The following PIGL variants were observed in gnomAD, a reference collection of about 807,000 sequenced individuals.
PIGL encodes the protein N-acetylglucosaminyl-phosphatidylinositol de-N-acetylase.
Under a neutral mutation model 31.1 loss-of-function variants are expected in PIGL, and 22 were observed. That is an observed-to-expected ratio of 0.71 (90% CI 0.51 to 1.01). The LOEUF (loss-of-function observed/expected upper bound fraction) is 1.01. Among genes scored for constraint, PIGL ranks in the 50% least tolerant of loss-of-function variants. The probability of loss-of-function intolerance (pLI) is 0.00; values close to 1 mark genes in which losing one functional copy is unlikely to be tolerated. For missense variants in PIGL, 302 were observed against 315.9 expected (o/e 0.96, Z 0.33); for synonymous variants, 131 against 117.4 (o/e 1.12, Z -0.75).
At chr17:16,290,433 C>G (rs2092955652) in intron 2 of PIGL, among the ~76,000 whole-genome samples, 1 of 151,544 alleles carries the variant, frequency 6.6e-6, no homozygotes, top group Non-Finnish European at 1.5e-5. Context: ...CATTCTGCTG[C>G]CCAGGCTGCA....
chr17:16,287,705 A>G (rs1024994438), intron 2 of PIGL, among the ~76,000 whole-genome samples: 24 of 152,336 alleles, frequency 1.6e-4, no homozygotes, highest in African/African-American at 5.5e-4. Context: ...ATACGTTGAC[A>G]TTCCTTACCG....
intron 1 of PIGL, among the ~76,000 whole-genome samples, chr17:16,231,849 T>C: frequency 6.6e-6 from 1 of 152,228 alleles, no homozygotes; most frequent in East Asian, 1.9e-4. Flanking sequence ...TCTCAAACTC[T>C]TTGGTCACAT....
intron 2 of PIGL, among the ~76,000 whole-genome samples, chr17:16,296,609 CAAA>C (rs1163605216): frequency 9.5e-6 from 1 of 105,626 alleles, no homozygotes. Context: ...GACTCCATCT[CAAA>C]AAAAAAAAAG....
At chr17:16,321,648 A>G (rs752938345) in intron 6 of PIGL, among the ~76,000 whole-genome samples, 1 of 152,112 alleles carries the variant, frequency 6.6e-6, no homozygotes, top group Non-Finnish European at 1.5e-5. Context: ...TTTCTTCAAT[A>G]GTGCATTCGT....
chr17:16,319,723 C>G (rs2093094743), intron 6 of PIGL, among the ~76,000 whole-genome samples: 1 of 151,304 alleles, frequency 6.6e-6, no homozygotes, highest in African/African-American at 2.4e-5. Flanking sequence ...CCACTGCACT[C>G]CAGCCTGGGT....
At chr17:16,301,361 T>C (rs909095108) in intron 3 of PIGL, among the ~76,000 whole-genome samples, 1 of 151,094 alleles carries the variant, frequency 6.6e-6, no homozygotes, top group Admixed American at 6.6e-5. Context: ...GCCTCCCGGG[T>C]TCAAGTGATT....
intron 1 of PIGL, among the ~76,000 whole-genome samples, chr17:16,220,838 G>A (rs1016597378): frequency 2.0e-5 from 3 of 152,012 alleles, no homozygotes; most frequent in Non-Finnish European, 2.9e-5. Flanking sequence ...TCACCATGGC[G>A]GCCAAACTGG....
intron 2 of PIGL, among the ~76,000 whole-genome samples, chr17:16,294,091 G>C (rs368007921): frequency 2.0e-5 from 3 of 152,282 alleles, no homozygotes; most frequent in East Asian, 3.9e-4. Context: ...CTTTCTTTTA[G>C]TGGCTCCACC....
At chr17:16,314,720 G>A (rs2093068486) in intron 4 of PIGL, among the ~76,000 whole-genome samples, 2 of 152,192 alleles carry the variant, frequency 1.3e-5, no homozygotes, top group Non-Finnish European at 1.5e-5. Flanking sequence ...CATGCTCCTA[G>A]TCGCATTAGG....
intron 2 of PIGL, among the ~76,000 whole-genome samples, chr17:16,265,129 T>C (rs1023455125): frequency 3.9e-5 from 6 of 152,194 alleles, no homozygotes; most frequent in Admixed American, 6.5e-5. Flanking sequence ...GAAGTGACAC[T>C]GTGTCATTGT....
intron 2 of PIGL, among the ~76,000 whole-genome samples, chr17:16,243,934 T>A (rs1022272702): frequency 2.0e-5 from 3 of 152,166 alleles, no homozygotes; most frequent in African/African-American, 7.2e-5. Flanking sequence ...CAGCAGAGTT[T>A]TTAAGCATAA....
At chr17:16,301,701 A>G (rs1273893689) in intron 3 of PIGL, among the ~76,000 whole-genome samples, 1 of 150,662 alleles carries the variant, frequency 6.6e-6, no homozygotes, top group Non-Finnish European at 1.5e-5. Flanking sequence ...CCTCCCAAGT[A>G]GCTGGGACTA....
At chr17:16,288,189 C>T (rs1323626603) in intron 2 of PIGL, among the ~76,000 whole-genome samples, 1 of 151,314 alleles carries the variant, frequency 6.6e-6, no homozygotes, top group African/African-American at 2.4e-5. Context: ...TCTTTCCTTC[C>T]TTCCTTCCTT....
Position 16,299,883 on chromosome 17 carries a change from T to C in PIGL, c.336-5T>C. 2 of 1,609,736 alleles carry C rather than the reference T, an allele frequency of 1.2e-6. No individual in the cohort carries two copies. The highest frequency in any genetic ancestry group is 1.7e-6 in the Non-Finnish European group (2 of 1,175,980). On this transcript the variant is annotated splice_polypyrimidine_tract_variant and splice_region_variant and intron_variant, in intron 2 of 6. Transcript: ENST00000225609. ...AGGTGTTCAAGTTGTGCTTCTCTCT[T>C]GTAGGGATTTCCCAGATGACCCAGG...
At chr17:16,318,431 G>A (rs200301745) in intron 6 of PIGL, among the ~76,000 whole-genome samples, 17 of 151,722 alleles carry the variant, frequency 1.1e-4, no homozygotes, top group South Asian at 4.2e-4. Context: ...CACCACACCC[G>A]GCTAATTTTT....
At chr17:16,246,327 C>G (rs1434704837) in intron 2 of PIGL, among the ~76,000 whole-genome samples, 3 of 151,324 alleles carry the variant, frequency 2.0e-5, no homozygotes, top group African/African-American at 7.3e-5. Flanking sequence ...TCCTGGCCAA[C>G]ACGGTGAAAC....
At position 16,217,386 on chromosome 17, in the gene PIGL, G is replaced by A; in HGVS notation, c.160G>A (p.Ala54Thr). ...LLVIAHPDDE[A>T]MFFAPTVLGL... is the part of the protein sequence containing the mutation. The stretch of plus-strand genomic sequence containing the variant: ...GGTCATAGCGCACCCTGACGATGAA[G>A]CCATGTTTTTTGCTCCCACAGTGCT... Residue 54 changes from alanine to threonine, a missense_variant, in exon 1 of 7, where the codon GCC becomes ACC. By Grantham distance (58) the Ala-to-Thr change is moderately conservative. Coordinates refer to ENST00000225609, the MANE Select transcript of PIGL (RefSeq NM_004278.4). The A allele has an allele frequency of 6.2e-7, 1 of 1,614,220 alleles. No individual in the cohort carries two copies. Among genetic ancestry groups the A allele is most frequent in the South Asian group, 1.1e-5 (1 of 91,088 alleles).
intron 2 of PIGL, among the ~76,000 whole-genome samples, chr17:16,267,421 A>C (rs918177762): frequency 6.6e-6 from 1 of 152,074 alleles, no homozygotes; most frequent in Non-Finnish European, 1.5e-5. Context: ...AGGCAGGCAC[A>C]CTTGGTGTAA....
At position 16,254,912 on chromosome 17, in the gene PIGL, A is replaced by G. The variant is rs537524728; in HGVS notation, c.335+20842A>G. 2.3e-4 allele frequency among the ~76,000 whole-genome samples: 35 copies of G among 152,320 alleles called. 1 individual carries two copies. Among genetic ancestry groups the G allele is most frequent in the African/African-American group, 7.0e-4 (29 of 41,572 alleles). ...CCACCATGCCTGGCCCATATACACTAGTTTTTTACTGTAGGCCGTAAGGCC... is the reference window on the plus strand; with the variant it reads ...CCACCATGCCTGGCCCATATACACTGGTTTTTTACTGTAGGCCGTAAGGCC... On this transcript the variant is annotated intron_variant, in intron 2 of 6. Transcript: ENST00000225609.
Sources: gnomAD v4.1 joint callset for allele counts (sites outside exome capture counted in the v4.1 genomes callset) on GRCh38, gnomAD v4.1.1 for gene constraint, MANE v1.5 for transcripts, NCBI Gene and HGNC (gene_info 2026-07-23, HGNC 2026-07-21) for gene names.